Variants in TG observed in about 807,000 individuals in gnomAD.
The protein encoded by TG is thyroid hormones.
A neutral mutation model predicts 324.7 loss-of-function variants in TG; 270 were observed. The observed-to-expected ratio is 0.83, with a 90% CI of 0.75 to 0.92. The LOEUF (loss-of-function observed/expected upper bound fraction) is 0.92, where lower values mean the gene tolerates loss of function less well. Ranked by LOEUF, TG falls within the 40% of genes least tolerant of loss-of-function variation. The probability of loss-of-function intolerance (pLI) is 0.00; values close to 1 mark genes in which losing one functional copy is unlikely to be tolerated. For synonymous variants in TG, 1,401 were observed against 1,327.0 expected (o/e 1.06, Z -1.21); for missense variants, 3,591 against 3,456.4 (o/e 1.04, Z -0.98).
At chr8:132,993,014 C>G (rs1017713238) in intron 35 of TG, among the ~76,000 whole-genome samples, 2 of 152,132 alleles carry the variant, frequency 1.3e-5, no homozygotes, top group Non-Finnish European at 2.9e-5. Context: ...AAATATTTAC[C>G]GAATGAATGA....
chr8:132,947,410 A>T (rs1825475539), intron 26 of TG, among the ~76,000 whole-genome samples: 1 of 152,040 alleles, frequency 6.6e-6, no homozygotes, highest in South Asian at 2.1e-4. Context: ...AAGGCCACTT[A>T]AAAAAATTCA....
intron 43 of TG, among the ~76,000 whole-genome samples, chr8:133,108,542 A>G (rs1850016201): frequency 6.6e-6 from 1 of 152,114 alleles, no homozygotes; most frequent in Non-Finnish European, 1.5e-5. Context: ...TGTTGTGCCC[A>G]TTTTACAGAT....
intron 43 of TG, among the ~76,000 whole-genome samples, chr8:133,099,796 T>A (rs749905060): frequency 6.6e-6 from 1 of 152,188 alleles, no homozygotes; most frequent in Non-Finnish European, 1.5e-5. Flanking sequence ...GGCTGTATTT[T>A]CCAAATGTAT....
In TG at chr8:132,919,420, C is replaced by T. The variant is rs750567859; in HGVS notation, c.4423C>T (p.Pro1475Ser). 4.3e-6 allele frequency: 7 copies of T among 1,614,108 alleles called. No individual in the cohort carries two copies. The South Asian group carries it at 7.7e-5, about 18-fold the overall frequency. ...GSYSQDEECI[P>S]CPVGFYQEQA... ...CTATTCCCAAGATGAGGAATGCATT[C>T]CTTGTCCTGTTGGATTCTACCAAGA... Residue 1475 changes from proline to serine, a missense_variant, in exon 21 of 48, where the codon CCT becomes TCT. Transcript: ENST00000220616.
chr8:133,076,665 A>C (rs138001717), intron 41 of TG: 1,738 of 151,844 alleles, frequency 0.011, 15 homozygotes, highest in Non-Finnish European at 0.018. Context: ...CCAAGAAAGA[A>C]TCTAGTACAG....
chr8:132,914,696 TA>T (rs1217106073), intron 20 of TG, among the ~76,000 whole-genome samples: 1 of 152,190 alleles, frequency 6.6e-6, no homozygotes, highest in Non-Finnish European at 1.5e-5. Context: ...CCTAACTGAT[TA>T]ATAGAGGGCG....
chr8:133,008,337 C>A (rs1014456949), intron 35 of TG, among the ~76,000 whole-genome samples: 2 of 151,962 alleles, frequency 1.3e-5, no homozygotes, highest in Non-Finnish European at 2.9e-5. Context: ...GGAGGCAGAG[C>A]CAGGATTTGC....
intron 41 of TG, among the ~76,000 whole-genome samples, chr8:133,077,735 ATGTGTGTGTGTGTG>A (rs34749093): frequency 6.8e-6 from 1 of 148,062 alleles, no homozygotes; most frequent in African/African-American, 2.5e-5. Context: ...TCTGGTGTGT[ATGTGTGTGTGTGTG>A]TGTGTGTGTG....
chr8:132,946,750 G>A (rs1350375191), intron 26 of TG, among the ~76,000 whole-genome samples: 2 of 152,104 alleles, frequency 1.3e-5, no homozygotes, highest in Non-Finnish European at 2.9e-5. Context: ...GGCTCTGAGG[G>A]CCTTGAATGG....
At chr8:133,056,724 T>C (rs1841501626) in intron 41 of TG, among the ~76,000 whole-genome samples, 1 of 152,236 alleles carries the variant, frequency 6.6e-6, no homozygotes, top group Non-Finnish European at 1.5e-5. Flanking sequence ...GCACTGTGTC[T>C]GGAGGCTGTG....
At chr8:132,974,125 C>T (rs1829897569) in intron 34 of TG, among the ~76,000 whole-genome samples, 1 of 151,650 alleles carries the variant, frequency 6.6e-6, no homozygotes, top group Non-Finnish European at 1.5e-5. Context: ...TCCCAAGTAG[C>T]TGGGATTACA....
chr8:132,901,338 T>C lies in TG; in HGVS notation c.3434-15T>C, dbSNP rs1223239000. ...GCACTGATTCCCCAGCCCATCTGGC[T>C]TGTCTCTGTGTCAGGCCCAAGCCTC... On this transcript the variant is annotated splice_polypyrimidine_tract_variant and intron_variant, in intron 15 of 47. Coordinates refer to ENST00000220616, the MANE Select transcript of TG (RefSeq NM_003235.5). 4 of 1,614,054 alleles carry C rather than the reference T, an allele frequency of 2.5e-6. No homozygotes were observed. The South Asian group carries it at 4.4e-5, about 18-fold the overall frequency.
At position 133,089,745 on chromosome 8, in the gene TG, C is replaced by T. The variant is rs140770355; in HGVS notation, c.7240-5299C>T. On this transcript the variant is annotated intron_variant, in intron 41 of 47. Transcript: ENST00000220616. ...GTTCCAGGCCCTGTCCTGGGGCTGT[C>T]GGATTACTTAGGACCCAGCTCCTGT... Among the ~76,000 whole-genome samples the T allele has an allele frequency of 4.7e-3, 709 of 152,258 alleles. 9 individuals are homozygous for T. Among genetic ancestry groups the T allele is most frequent in the African/African-American group, 0.016 (665 of 41,532 alleles).
At chr8:132,938,230 G>A (rs1823892558) in intron 25 of TG, among the ~76,000 whole-genome samples, 1 of 152,162 alleles carries the variant, frequency 6.6e-6, no homozygotes, top group Non-Finnish European at 1.5e-5. Flanking sequence ...CTGACCTTCA[G>A]TAACCTTCAG....
intron 45 of TG, among the ~76,000 whole-genome samples, chr8:133,129,694 G>T (rs1379389642): frequency 1.3e-5 from 2 of 152,042 alleles, no homozygotes; most frequent in Admixed American, 1.3e-4. Flanking sequence ...ATGGGATTTT[G>T]TCATGTTGCC....
Position 132,923,264 on chromosome 8 carries a change from C to T in TG, c.4529-74C>T, listed in dbSNP as rs1416177109. On this transcript the variant is annotated intron_variant, in intron 21 of 47. Coordinates refer to ENST00000220616, the MANE Select transcript of TG (RefSeq NM_003235.5). ...GTGACTTGGACACCTTGTCAATGAC[C>T]GAGAGCCTGGGAGTAGGAGTCAGGG... 31 of 1,546,002 alleles carry T rather than the reference C, an allele frequency of 2.0e-5. No homozygotes were observed. The South Asian group carries it at 2.3e-4, about 11-fold the overall frequency.
At chr8:132,969,701 A>T (rs974782036) in intron 32 of TG, 132 bp downstream of exon 32, 1 of 709,728 alleles carries the variant, frequency 1.4e-6, no homozygotes, top group African/African-American at 1.8e-5. Flanking sequence ...TCACGAGGTC[A>T]AGAGATCAAG....
chr8:132,949,389 C>T (rs2130099129), intron 27 of TG, among the ~76,000 whole-genome samples: 1 of 152,356 alleles, frequency 6.6e-6, no homozygotes, highest in Admixed American at 6.5e-5. Flanking sequence ...GTTACCATTT[C>T]TGCCTCATCC....
chr8:132,884,331 C>T (rs1054382993), intron 8 of TG, among the ~76,000 whole-genome samples: 1 of 152,180 alleles, frequency 6.6e-6, no homozygotes, highest in African/African-American at 2.4e-5. Flanking sequence ...CCATTTTCTC[C>T]TCCTGGTGAA....
Sources: gnomAD v4.1 joint callset for allele counts (sites outside exome capture counted in the v4.1 genomes callset) on GRCh38, gnomAD v4.1.1 for gene constraint, MANE v1.5 for transcripts, NCBI Gene and HGNC (gene_info 2026-07-23, HGNC 2026-07-21) for gene names.